The following EXOC6 variants were observed in gnomAD, a reference collection of about 807,000 sequenced individuals.
EXOC6 encodes SEC15-like 1.
In EXOC6, 60 loss-of-function variants were observed where a neutral mutation model predicts 112.5. The observed-to-expected ratio is 0.53, with a 90% CI of 0.43 to 0.66. The LOEUF is 0.66. Ranked by LOEUF, EXOC6 falls within the 30% of genes least tolerant of loss-of-function variation. The pLI, the probability that EXOC6 is intolerant of heterozygous loss-of-function variation, is 0.00. For synonymous variants in EXOC6, 295 were observed against 308.0 expected (o/e 0.96, Z 0.44); for missense variants, 855 against 957.1 (o/e 0.89, Z 1.41).
intron 18 of EXOC6, among the ~76,000 whole-genome samples, chr10:92,990,988 G>A (rs860668): frequency 0.78 from 118,257 of 152,072 alleles, 47,318 homozygotes; most frequent in East Asian, 0.99. Context: ...ATCTTTTTGT[G>A]TATGGCTGTT....
intron 1 of EXOC6, among the ~76,000 whole-genome samples, chr10:92,840,224 G>A (rs1042178262): frequency 6.6e-6 from 1 of 151,624 alleles, no homozygotes; most frequent in East Asian, 1.9e-4. Flanking sequence ...GTTCTAGAAT[G>A]TTCTTGCTAT....
chr10:92,884,595 A>G (rs994098938), intron 1 of EXOC6, among the ~76,000 whole-genome samples: 2 of 152,226 alleles, frequency 1.3e-5, no homozygotes, highest in African/African-American at 4.8e-5. Context: ...CTATTCTAGC[A>G]AATATAAGTA....
chr10:92,996,142 T>G (rs1843472375), intron 18 of EXOC6, among the ~76,000 whole-genome samples: 1 of 152,176 alleles, frequency 6.6e-6, no homozygotes, highest in Admixed American at 6.5e-5. Flanking sequence ...AAATATTTGT[T>G]AATGCAAACG....
intron 6 of EXOC6, among the ~76,000 whole-genome samples, chr10:92,911,447 A>G (rs909087412): frequency 6.6e-6 from 1 of 152,252 alleles, no homozygotes; most frequent in Admixed American, 6.5e-5. Flanking sequence ...GAGAATGCCA[A>G]CAGTAGTTTA....
rs535610064 is a variant in EXOC6, at chr10:92,916,789, T to C, written c.819+876T>C. 2.0e-5 allele frequency among the ~76,000 whole-genome samples: 3 copies of C among 152,314 alleles called. No homozygotes were observed. In the South Asian group the frequency reaches 6.2e-4, roughly 32 times the overall value. ...ATAAATTTTTTTGCTAGGAAATTTTTCTGTATATATTTTTATTTCAAGTTG... is the reference window on the plus strand; with the variant it reads ...ATAAATTTTTTTGCTAGGAAATTTTCCTGTATATATTTTTATTTCAAGTTG... On this transcript the variant is annotated intron_variant, in intron 7 of 21. Transcript: ENST00000260762.
Position 92,868,004 on chromosome 10 carries a change from A to G in EXOC6, c.101+19370A>G, listed in dbSNP as rs8181340. 1.3e-3 allele frequency among the ~76,000 whole-genome samples: 191 copies of G among 152,304 alleles called. 2 individuals carry two copies. The East Asian group carries it at 0.032, about 25-fold the overall frequency. On this transcript the variant is annotated intron_variant, in intron 1 of 21. Coordinates refer to ENST00000260762, the MANE Select transcript of EXOC6 (RefSeq NM_019053.6). The stretch of plus-strand genomic sequence containing the variant: ...TCCATTTCAGTTTTTTAAAATTGCC[A>G]TTAGAAACATTTTTTTCATTTGTCT...
intron 18 of EXOC6, among the ~76,000 whole-genome samples, chr10:92,983,778 AT>A (rs1203154839): frequency 2.0e-5 from 3 of 152,098 alleles, no homozygotes; most frequent in African/African-American, 7.2e-5. Flanking sequence ...AAGTGATAGG[AT>A]TATAGGCACG....
At chr10:93,006,286 A>C (rs1321585222) in intron 19 of EXOC6, among the ~76,000 whole-genome samples, 2 of 152,190 alleles carry the variant, frequency 1.3e-5, no homozygotes, top group Non-Finnish European at 2.9e-5. Flanking sequence ...TAATAAAAGT[A>C]TTAAGGCAAA....
intron 1 of EXOC6, among the ~76,000 whole-genome samples, chr10:92,875,144 G>A (rs1331065965): frequency 6.6e-6 from 1 of 152,130 alleles, no homozygotes; most frequent in East Asian, 1.9e-4. Context: ...AAGAATCACT[G>A]TATGGGAATT....
At chr10:92,899,347 C>G (rs1564812553) in intron 4 of EXOC6, among the ~76,000 whole-genome samples, 2 of 151,902 alleles carry the variant, frequency 1.3e-5, no homozygotes, top group Non-Finnish European at 2.9e-5. Flanking sequence ...TACAAGTGTT[C>G]CAGGTTCAGT....
rs1589658672 is a variant in EXOC6, at chr10:92,827,121, A to G, written c.-27+177A>G. Among the ~76,000 whole-genome samples the G allele has an allele frequency of 2.0e-5, 3 of 152,298 alleles. No individual in the cohort carries two copies. The East Asian group carries it at 5.8e-4, about 29-fold the overall frequency. On this transcript the variant is annotated intron_variant, in intron 1 of 22. Coordinates refer to the EXOC6 transcript ENST00000671701. ...CCTATGAATGCGCTCCATGTAAACC[A>G]TGTCTATAGGACTAATGTGCCTATG...
intron 1 of EXOC6, among the ~76,000 whole-genome samples, chr10:92,878,835 C>G (rs1564795369): frequency 6.6e-6 from 1 of 152,068 alleles, no homozygotes; most frequent in South Asian, 2.1e-4. Flanking sequence ...TGGTTTATAC[C>G]TAGTCAAGTT....
intron 20 of EXOC6, among the ~76,000 whole-genome samples, chr10:93,028,885 TAAA>T (rs1438678787): frequency 5.3e-5 from 8 of 150,064 alleles, no homozygotes. Flanking sequence ...ACTTAGTTGA[TAAA>T]GAAGTGGCAG....
At chr10:92,946,671 T>A (rs1403490515) in intron 13 of EXOC6, among the ~76,000 whole-genome samples, 1 of 152,200 alleles carries the variant, frequency 6.6e-6, no homozygotes, top group Non-Finnish European at 1.5e-5. Flanking sequence ...TTTCACCATG[T>A]CCCTCAGACT....
chr10:93,028,298 A>T (rs996769860), intron 20 of EXOC6, among the ~76,000 whole-genome samples: 2 of 152,016 alleles, frequency 1.3e-5, no homozygotes, highest in African/African-American at 4.8e-5. Flanking sequence ...CCCTGTTTCA[A>T]AAAAAAGAAA....
chr10:93,055,598 AAAC>A (rs993520630), intron 20 of EXOC6, among the ~76,000 whole-genome samples: 1 of 152,358 alleles, frequency 6.6e-6, no homozygotes, highest in South Asian at 2.1e-4. Flanking sequence ...AAATGTGGCC[AAAC>A]AACAGTTAAA....
intron 14 of EXOC6, among the ~76,000 whole-genome samples, chr10:92,950,481 A>C (rs1319066358): frequency 6.6e-6 from 1 of 152,198 alleles, no homozygotes; most frequent in Admixed American, 6.5e-5. Flanking sequence ...TATACCAGAA[A>C]CAGTGCTATG....
intron 20 of EXOC6, among the ~76,000 whole-genome samples, chr10:93,027,902 T>A (rs1661557506): frequency 6.6e-6 from 1 of 152,208 alleles, no homozygotes. Context: ...TATTTAAAAA[T>A]ACATTTTGAA....
At chr10:92,848,474 A>G, upstream of EXOC6, 3 of 812,246 alleles carry the variant, frequency 3.7e-6, no homozygotes, top group Non-Finnish European at 4.9e-6. Flanking sequence ...CGCCACTTGG[A>G]GCTCGCCCCC....
Sources: allele counts gnomAD v4.1 joint callset (sites outside exome capture counted in the v4.1 genomes callset), GRCh38; gene constraint gnomAD v4.1.1; transcripts MANE v1.5; gene names NCBI Gene and HGNC (gene_info 2026-07-23, HGNC 2026-07-21).